Variants in SUGCT observed in about 807,000 individuals in gnomAD.
The protein encoded by SUGCT is succinyl-CoA:glutarate CoA-transferase.
Under a neutral mutation model 55.0 loss-of-function variants are expected in SUGCT, and 41 were observed. The ratio of observed to expected loss-of-function variants is 0.74; its 90% CI spans 0.58 to 0.97. The LOEUF (loss-of-function observed/expected upper bound fraction) is 0.97, where lower values mean the gene tolerates loss of function less well. Among genes scored for constraint, SUGCT ranks in the 50% least tolerant of loss-of-function variants. The pLI is 0.00. For synonymous variants in SUGCT, 187 were observed against 200.4 expected (o/e 0.93, Z 0.56); for missense variants, 568 against 547.8 (o/e 1.04, Z -0.37).
intron 9 of SUGCT, among the ~76,000 whole-genome samples, chr7:40,387,243 C>T (rs538874443): frequency 3.3e-5 from 5 of 152,138 alleles, no homozygotes; most frequent in Admixed American, 6.6e-5. Context: ...TGCACCCAAA[C>T]GTAGGTATTA....
the SUGCT span, among the ~76,000 whole-genome samples, chr7:40,954,409 C>T: frequency 5.1e-4 from 77 of 152,304 alleles, no homozygotes; most frequent in African/African-American, 1.5e-3. Flanking sequence ...CCGGGTGAGG[C>T]GATGCCTTGC....
At chr7:40,265,492 T>C (rs1446227776) in intron 7 of SUGCT, among the ~76,000 whole-genome samples, 1 of 152,182 alleles carries the variant, frequency 6.6e-6, no homozygotes, top group Non-Finnish European at 1.5e-5. Context: ...CTTCCCTCAT[T>C]TCTTTCTTTT....
intron 13 of SUGCT, among the ~76,000 whole-genome samples, chr7:40,819,618 T>C (rs1791872165): frequency 6.6e-6 from 1 of 152,224 alleles, no homozygotes; most frequent in Non-Finnish European, 1.5e-5. Flanking sequence ...TGATTTTTTC[T>C]TGTAAATTTG....
At chr7:40,177,478 A>T (rs972103779) in intron 1 of SUGCT, among the ~76,000 whole-genome samples, 1 of 152,182 alleles carries the variant, frequency 6.6e-6, no homozygotes, top group African/African-American at 2.4e-5. Flanking sequence ...TTCCTTGCTA[A>T]ATTAAACTGT....
intron 13 of SUGCT, among the ~76,000 whole-genome samples, chr7:40,804,808 T>G (rs1449888936): frequency 2.0e-5 from 3 of 152,174 alleles, no homozygotes; most frequent in Non-Finnish European, 4.4e-5. Context: ...CTATCTTGAG[T>G]GCAGAAAAAG....
the SUGCT span, among the ~76,000 whole-genome samples, chr7:41,018,700 T>C: frequency 6.6e-6 from 1 of 152,202 alleles, no homozygotes; most frequent in South Asian, 2.1e-4. Flanking sequence ...CCTAAAAGTG[T>C]CTGAAGAAAC....
intron 1 of SUGCT, among the ~76,000 whole-genome samples, chr7:40,163,746 C>T (rs930669008): frequency 2.6e-5 from 4 of 151,878 alleles, no homozygotes; most frequent in African/African-American, 7.3e-5. Flanking sequence ...CCAATTATTA[C>T]CTTTAAGTGA....
chr7:40,928,879 A>G, the SUGCT span, among the ~76,000 whole-genome samples: 90 of 152,194 alleles, frequency 5.9e-4, no homozygotes, highest in Middle Eastern at 3.4e-3. Flanking sequence ...GATTACAGGC[A>G]TGAGCCACCC....
At chr7:40,612,920 G>T (rs1015255567) in intron 12 of SUGCT, among the ~76,000 whole-genome samples, 8 of 152,090 alleles carry the variant, frequency 5.3e-5, no homozygotes, top group Non-Finnish European at 1.5e-5. Context: ...ATCACTTGAG[G>T]TTAGGAGTTC....
the SUGCT span, among the ~76,000 whole-genome samples, chr7:40,968,673 T>G: frequency 6.6e-6 from 1 of 152,064 alleles, no homozygotes; most frequent in South Asian, 2.1e-4. Flanking sequence ...CCAAAAGGCA[T>G]AGCTGGGTAA....
intron 12 of SUGCT, among the ~76,000 whole-genome samples, chr7:40,606,514 G>A (rs760424434): frequency 3.9e-5 from 6 of 152,170 alleles, no homozygotes; most frequent in Non-Finnish European, 7.4e-5. Flanking sequence ...AGAGGCAAAT[G>A]GAGCCTTTCC....
chr7:40,264,187 G>A (rs1305574579), intron 7 of SUGCT, among the ~76,000 whole-genome samples: 2 of 152,024 alleles, frequency 1.3e-5, no homozygotes, highest in African/African-American at 4.8e-5. Context: ...TACCTTTACT[G>A]ATAAGAGGAT....
chr7:40,569,902 G>A (rs1796350053), intron 12 of SUGCT, among the ~76,000 whole-genome samples: 1 of 152,088 alleles, frequency 6.6e-6, no homozygotes, highest in Non-Finnish European at 1.5e-5. Flanking sequence ...TGGAAAAATT[G>A]TTAGGCAAAA....
intron 12 of SUGCT, among the ~76,000 whole-genome samples, chr7:40,549,850 A>G (rs1795209247): frequency 6.6e-6 from 1 of 152,210 alleles, no homozygotes; most frequent in African/African-American, 2.4e-5. Flanking sequence ...TAAAACTGGC[A>G]GGGTAGCTCG....
chr7:40,210,963 T>C (rs1310321391), intron 6 of SUGCT, among the ~76,000 whole-genome samples: 1 of 152,140 alleles, frequency 6.6e-6, no homozygotes, highest in Non-Finnish European at 1.5e-5. Flanking sequence ...TTGAACATAC[T>C]GACATATTAA....
chr7:40,787,708 C>T (rs1292073242), intron 13 of SUGCT, among the ~76,000 whole-genome samples: 8 of 139,426 alleles, frequency 5.7e-5, no homozygotes, highest in African/African-American at 2.1e-4. Flanking sequence ...CCTGCTCTCT[C>T]TAGCCAAAGA....
chr7:40,705,360 C>A (rs1785349941), intron 12 of SUGCT, among the ~76,000 whole-genome samples: 1 of 152,078 alleles, frequency 6.6e-6, no homozygotes, highest in Non-Finnish European at 1.5e-5. Flanking sequence ...ATAATGAACA[C>A]CACAATCAAG....
chr7:40,723,091 T>C (rs1786432883), intron 12 of SUGCT, among the ~76,000 whole-genome samples: 1 of 152,158 alleles, frequency 6.6e-6, no homozygotes, highest in Non-Finnish European at 1.5e-5. Context: ...ACAAAGTGCT[T>C]CCAAAGCTTT....
intron 9 of SUGCT, among the ~76,000 whole-genome samples, chr7:40,437,172 G>T (rs191111863): frequency 4.5e-4 from 68 of 152,218 alleles, no homozygotes; most frequent in African/African-American, 1.5e-3. Context: ...TTGACAACAC[G>T]TAAAGAATAG....
Sources: allele counts gnomAD v4.1 joint callset (sites outside exome capture counted in the v4.1 genomes callset), GRCh38; gene constraint gnomAD v4.1.1; transcripts MANE v1.5; gene names NCBI Gene and HGNC (gene_info 2026-07-23, HGNC 2026-07-21).